HEMK2: variants seen among roughly 807,000 people sequenced by gnomAD.
HEMK2 encodes methyltransferase HEMK2.
chr21:28,838,972 A>AAAAAAAT, the HEMK2 span, among the ~76,000 whole-genome samples: 20 of 29,154 alleles, frequency 6.9e-4, no homozygotes, highest in Non-Finnish European at 9.0e-4. Flanking sequence ...AAAAAAAAAA[A>AAAAAAAT]ATATATATAT....
At chr21:28,782,149 A>G in the HEMK2 span, among the ~76,000 whole-genome samples, 1 of 152,222 alleles carries the variant, frequency 6.6e-6, no homozygotes, top group Non-Finnish European at 1.5e-5. Context: ...AATAGTCTTA[A>G]TCTTTGCAGT....
the HEMK2 span, among the ~76,000 whole-genome samples, chr21:28,695,089 T>C: frequency 3.9e-5 from 6 of 152,166 alleles, no homozygotes; most frequent in African/African-American, 1.4e-4. Context: ...CAATATGCGA[T>C]CTTTTATCTT....
At chr21:28,798,731 T>C in the HEMK2 span, among the ~76,000 whole-genome samples, 22 of 152,296 alleles carry the variant, frequency 1.4e-4, no homozygotes, top group East Asian at 4.2e-3. Flanking sequence ...ATTGTGCCAC[T>C]AGTAGTAGAA....
the HEMK2 span, among the ~76,000 whole-genome samples, chr21:28,649,047 G>GA: frequency 6.6e-6 from 1 of 150,602 alleles, no homozygotes; most frequent in Non-Finnish European, 1.5e-5. Flanking sequence ...TTGGTTTTTT[G>GA]TCCTTGCGAT....
the HEMK2 span, among the ~76,000 whole-genome samples, chr21:28,709,690 G>A: frequency 3.3e-5 from 5 of 151,980 alleles, no homozygotes; most frequent in African/African-American, 9.7e-5. Flanking sequence ...TCCCACCTTT[G>A]CCAGACTGAC....
At chr21:28,765,284 T>G in the HEMK2 span, among the ~76,000 whole-genome samples, 3 of 152,050 alleles carry the variant, frequency 2.0e-5, no homozygotes, top group African/African-American at 4.8e-5. Flanking sequence ...GCAGCTCCAT[T>G]TAACATTATG....
At chr21:28,790,546 C>T in the HEMK2 span, among the ~76,000 whole-genome samples, 295 of 152,066 alleles carry the variant, frequency 1.9e-3, 4 homozygotes, top group African/African-American at 6.9e-3. Flanking sequence ...CACAAGAATA[C>T]CCCAGGGCTG....
chr21:28,795,916 A>G, the HEMK2 span, among the ~76,000 whole-genome samples: 1 of 152,346 alleles, frequency 6.6e-6, no homozygotes, highest in South Asian at 2.1e-4. Context: ...GAAAATGATC[A>G]GCAGTTTGAC....
the HEMK2 span, among the ~76,000 whole-genome samples, chr21:28,613,005 C>T: frequency 6.6e-6 from 1 of 152,050 alleles, no homozygotes; most frequent in Non-Finnish European, 1.5e-5. Flanking sequence ...AATGACCATA[C>T]TGCCAAAAGC....
chr21:28,674,949 C>T, the HEMK2 span: 1 of 152,256 alleles, frequency 6.6e-6, no homozygotes, highest in African/African-American at 2.4e-5. Flanking sequence ...AAAGGCCCCA[C>T]CCTTTAATAC....
At chr21:28,677,112 G>A in the HEMK2 span, among the ~76,000 whole-genome samples, 64 of 152,278 alleles carry the variant, frequency 4.2e-4, no homozygotes, top group South Asian at 3.9e-3. Context: ...CGCCTCACCC[G>A]GTAAGCGCAA....
chr21:28,815,077 G>T, the HEMK2 span, among the ~76,000 whole-genome samples: 785 of 152,214 alleles, frequency 5.2e-3, 7 homozygotes, highest in African/African-American at 0.018. Context: ...CATGTCCTTT[G>T]TAGGGACATG....
the HEMK2 span, among the ~76,000 whole-genome samples, chr21:28,758,859 T>A: frequency 1.3e-5 from 2 of 152,184 alleles, no homozygotes; most frequent in Non-Finnish European, 2.9e-5. Flanking sequence ...ATCCAGAAAG[T>A]ACACAATCCA....
At chr21:28,769,632 C>T in the HEMK2 span, among the ~76,000 whole-genome samples, 1 of 152,074 alleles carries the variant, frequency 6.6e-6, no homozygotes, top group African/African-American at 2.4e-5. Context: ...TGAAACAGAG[C>T]CCCTTTTTCT....
At chr21:28,687,843 T>C in the HEMK2 span, among the ~76,000 whole-genome samples, 6 of 152,198 alleles carry the variant, frequency 3.9e-5, no homozygotes, top group Admixed American at 1.3e-4. Context: ...AGTTATGCAA[T>C]AGAAAGGAAA....
the HEMK2 span, among the ~76,000 whole-genome samples, chr21:28,596,680 G>T: frequency 6.6e-6 from 1 of 152,068 alleles, no homozygotes; most frequent in Non-Finnish European, 1.5e-5. Context: ...ATGGAATTTT[G>T]TGTTTTGCTT....
At chr21:28,642,457 C>T in the HEMK2 span, among the ~76,000 whole-genome samples, 4 of 152,134 alleles carry the variant, frequency 2.6e-5, no homozygotes, top group Non-Finnish European at 4.4e-5. Context: ...CTACGCAGGC[C>T]CAGCAGCAGT....
the HEMK2 span, among the ~76,000 whole-genome samples, chr21:28,812,377 C>T: frequency 7.9e-4 from 120 of 152,196 alleles, no homozygotes; most frequent in African/African-American, 1.5e-3. Flanking sequence ...TATTGAAGGC[C>T]TTTCCTGCAT....
At chr21:28,621,424 A>C in the HEMK2 span, among the ~76,000 whole-genome samples, 2 of 152,088 alleles carry the variant, frequency 1.3e-5, no homozygotes, top group Non-Finnish European at 2.9e-5. Flanking sequence ...GGGTGTTCCT[A>C]TATTGGGTGT....
Sources: gnomAD v4.1 joint callset for allele counts (sites outside exome capture counted in the v4.1 genomes callset) on GRCh38, gnomAD v4.1.1 for gene constraint, MANE v1.5 for transcripts, NCBI Gene and HGNC (gene_info 2026-07-23, HGNC 2026-07-21) for gene names.